MYH15: variants seen among roughly 807,000 people sequenced by gnomAD.
MYH15 encodes the protein myosin heavy chain 15, also known as myosin-15.
MYH15 carries 227 observed loss-of-function variants against 240.5 expected under a neutral mutation model. The ratio of observed to expected loss-of-function variants is 0.94; its 90% CI spans 0.85 to 1.05. The LOEUF (loss-of-function observed/expected upper bound fraction) is 1.05, where lower values mean the gene tolerates loss of function less well. Ranked by LOEUF, MYH15 falls within the 50% of genes least tolerant of loss-of-function variation. MYH15 has a pLI of 0.00. For missense variants in MYH15, 2,217 were observed against 2,247.5 expected (o/e 0.99, Z 0.27); for synonymous variants, 785 against 796.7 (o/e 0.99, Z 0.25).
upstream of MYH15, among the ~76,000 whole-genome samples, chr3:108,513,651 TC>T (rs2083537325): frequency 1.3e-5 from 2 of 152,116 alleles, no homozygotes; most frequent in African/African-American, 4.8e-5. Flanking sequence ...ACAAACTTAA[TC>T]TAAGACTGAC....
At chr3:108,445,547 A>G (rs1244696827) in intron 21 of MYH15, among the ~76,000 whole-genome samples, 1 of 152,074 alleles carries the variant, frequency 6.6e-6, no homozygotes. Context: ...TACCTTTTCA[A>G]CCCTTGGGGT....
At chr3:108,546,881 C>A in the MYH15 span, among the ~76,000 whole-genome samples, 42 of 152,144 alleles carry the variant, frequency 2.8e-4, 1 homozygote, top group Non-Finnish European at 5.7e-4. Context: ...AAAGTCAGTT[C>A]GCTGCAAAAT....
intron 1 of MYH15, among the ~76,000 whole-genome samples, chr3:108,526,172 T>G (rs2083668939): frequency 6.6e-6 from 1 of 152,102 alleles, no homozygotes; most frequent in Non-Finnish European, 1.5e-5. Flanking sequence ...ACAGTGATGC[T>G]TCGATAAACA....
At chr3:108,455,689 TTC>T in intron 20 of MYH15, 45 bp downstream of exon 20, 1 of 1,593,578 alleles carries the variant, frequency 6.3e-7, no homozygotes, top group Non-Finnish European at 8.6e-7. Flanking sequence ...ATACACAGTC[TTC>T]CCCCCATTCG....
At chr3:108,400,527 C>T (rs1344891966) in intron 33 of MYH15, among the ~76,000 whole-genome samples, 1 of 152,112 alleles carries the variant, frequency 6.6e-6, no homozygotes, top group Non-Finnish European at 1.5e-5. Context: ...TCTGTGAGGT[C>T]GATTAAGAAG....
intron 22 of MYH15, among the ~76,000 whole-genome samples, chr3:108,442,241 G>A (rs2082891030): frequency 6.6e-6 from 1 of 152,070 alleles, no homozygotes; most frequent in Admixed American, 6.6e-5. Flanking sequence ...TGGGGGGCTG[G>A]GGGGAGGTAA....
At chr3:108,409,808 A>C (rs534434076) in intron 31 of MYH15, among the ~76,000 whole-genome samples, 56 of 152,368 alleles carry the variant, frequency 3.7e-4, no homozygotes, top group African/African-American at 1.3e-3. Context: ...CATGTGCATA[A>C]ATACATGTAT....
In MYH15 at chr3:108,458,845, TA is replaced by T. The variant is rs568369858; in HGVS notation, c.2020+516del. Among the ~76,000 whole-genome samples the T allele has an allele frequency of 5.3e-4, 77 of 145,090 alleles. No homozygotes were observed. In the South Asian group the frequency reaches 7.7e-3, roughly 14 times the overall value. On this transcript the variant is annotated intron_variant, in intron 18 of 40. Coordinates refer to ENST00000693548, the MANE Select transcript of MYH15 (RefSeq NM_014981.3). Reference sequence around the variant, plus strand: ...TAGCCACTACCCAGAGTTACATAACTAAAAAAAAAAATGAATGCTATTAGAA... The same window carrying T: ...TAGCCACTACCCAGAGTTACATAACTAAAAAAAAAATGAATGCTATTAGAA...
intron 30 of MYH15, among the ~76,000 whole-genome samples, chr3:108,411,739 G>GT (rs535317758): frequency 2.2e-4 from 33 of 152,288 alleles, no homozygotes; most frequent in African/African-American, 7.9e-4. Context: ...GAAAAGTACT[G>GT]TATGTACCAA....
chr3:108,541,652 G>T, the MYH15 span, among the ~76,000 whole-genome samples: 1 of 152,044 alleles, frequency 6.6e-6, no homozygotes, highest in Non-Finnish European at 1.5e-5. Flanking sequence ...TCGCTAGTGG[G>T]TTATTTGTAA....
intron 1 of MYH15, among the ~76,000 whole-genome samples, chr3:108,506,159 T>A (rs1334329596): frequency 6.6e-6 from 1 of 152,088 alleles, no homozygotes; most frequent in Non-Finnish European, 1.5e-5. Flanking sequence ...GTTGCCCTGG[T>A]GCTTGCACCC....
upstream of MYH15, among the ~76,000 whole-genome samples, chr3:108,529,802 A>C (rs2083699821): frequency 6.6e-6 from 1 of 152,212 alleles, no homozygotes; most frequent in Non-Finnish European, 1.5e-5. Flanking sequence ...CCAAGACATA[A>C]CACAGGGAGT....
chr3:108,445,364 G>A (rs916726044), intron 21 of MYH15, among the ~76,000 whole-genome samples: 2 of 151,966 alleles, frequency 1.3e-5, no homozygotes, highest in Admixed American at 1.3e-4. Context: ...TACCAGCAAA[G>A]AGAGATATCA....
intron 26 of MYH15, among the ~76,000 whole-genome samples, chr3:108,430,344 T>C (rs569757263): frequency 2.0e-5 from 3 of 152,212 alleles, no homozygotes; most frequent in Admixed American, 1.3e-4. Context: ...CTAAAACTTA[T>C]AAATAGCTAT....
intron 31 of MYH15, among the ~76,000 whole-genome samples, chr3:108,409,039 C>T (rs1334930624): frequency 6.6e-6 from 1 of 152,078 alleles, no homozygotes; most frequent in Admixed American, 6.5e-5. Context: ...GTCAGTTCTG[C>T]CTTTAGTACC....
chr3:108,405,421 A>G lies in MYH15; in HGVS notation c.4653T>C (p.Leu1551=), dbSNP rs1426025257. The change falls in exon 33 of 41, where the codon CTT becomes CTC. Residue 1551 remains leucine, a synonymous_variant. Transcript: ENST00000693548. ...CTTCCAAGAGTTCAAGCTGGAAATGAAGAATCTTGCTTTCATTACGTTCCA... is the reference window on the plus strand; with the variant it reads ...CTTCCAAGAGTTCAAGCTGGAAATGGAGAATCTTGCTTTCATTACGTTCCA... ...GALERNESKI[L]HFQLELLEAK... 6.5e-7 allele frequency: 1 copy of G among 1,530,504 alleles called. No individual in the cohort carries two copies. The highest frequency in any genetic ancestry group is 1.3e-5 in the African/African-American group (1 of 74,150). 94.8% of individuals were successfully genotyped at this position (1,530,504 alleles called of 1,614,324 possible). A position where few individuals can be genotyped will look rare whatever the true frequency, so the allele number is the denominator to read the frequency against.
intron 33 of MYH15, among the ~76,000 whole-genome samples, chr3:108,403,078 G>A (rs368964278): frequency 3.4e-4 from 52 of 152,212 alleles, no homozygotes; most frequent in African/African-American, 1.2e-3. Flanking sequence ...AGAATATGAG[G>A]CACAGTGTCT....
At chr3:108,529,464 A>G, upstream of MYH15, 1 of 521,732 alleles carries the variant, frequency 1.9e-6, no homozygotes, top group Admixed American at 3.9e-5. Flanking sequence ...TAATTTCAAA[A>G]TTCAGACTGA....
chr3:108,480,372 G>C (rs980291966), intron 11 of MYH15, among the ~76,000 whole-genome samples: 1 of 152,326 alleles, frequency 6.6e-6, no homozygotes, highest in Non-Finnish European at 1.5e-5. Context: ...ACTGGACTAC[G>C]ATACCAGGGA....
Sources: gnomAD v4.1 joint callset for allele counts (sites outside exome capture counted in the v4.1 genomes callset) on GRCh38, gnomAD v4.1.1 for gene constraint, MANE v1.5 for transcripts, NCBI Gene and HGNC (gene_info 2026-07-23, HGNC 2026-07-21) for gene names.